Variants in KCNAB1 observed in about 807,000 individuals in gnomAD.
KCNAB1 encodes the protein voltage-gated potassium channel subunit beta-1.
In KCNAB1, 35 loss-of-function variants were observed where a neutral mutation model predicts 64.6. That is an observed-to-expected ratio of 0.54 (90% CI 0.41 to 0.72). KCNAB1 has a LOEUF of 0.72. Among genes scored for constraint, KCNAB1 ranks in the 30% least tolerant of loss-of-function variants. KCNAB1 has a pLI of 0.00. For synonymous variants in KCNAB1, 177 were observed against 183.8 expected, an observed-to-expected ratio of 0.96 and a Z score of 0.30; for missense variants, 401 against 512.9, an observed-to-expected ratio of 0.78 and a Z score of 2.11.
At chr3:156,371,659 A>G (rs1334844547) in intron 1 of KCNAB1, among the ~76,000 whole-genome samples, 1 of 152,180 alleles carries the variant, frequency 6.6e-6, no homozygotes, top group Non-Finnish European at 1.5e-5. Flanking sequence ...AACCAGAGGA[A>G]TTGGGGCTTG....
intron 1 of KCNAB1, among the ~76,000 whole-genome samples, chr3:156,382,434 A>G (rs566218527): frequency 6.6e-6 from 1 of 152,252 alleles, no homozygotes; most frequent in Non-Finnish European, 1.5e-5. Context: ...GTGAGCCAAG[A>G]TCACACCATT....
chr3:156,450,577 A>C (rs1391256520), intron 2 of KCNAB1, among the ~76,000 whole-genome samples: 1 of 152,220 alleles, frequency 6.6e-6, no homozygotes, highest in African/African-American at 2.4e-5. Flanking sequence ...CTCTGGACAC[A>C]TAATTTCTGC....
chr3:156,454,693 A>C (rs780284686), intron 3 of KCNAB1, among the ~76,000 whole-genome samples: 45 of 152,186 alleles, frequency 3.0e-4, no homozygotes, highest in Admixed American at 4.6e-4. Context: ...CATACAAAAT[A>C]GGTGGCAAGC....
At chr3:156,336,062 A>G (rs506709) in intron 1 of KCNAB1, among the ~76,000 whole-genome samples, 3 of 152,086 alleles carry the variant, frequency 2.0e-5, no homozygotes, top group Non-Finnish European at 2.9e-5. Context: ...AATCTAGAAC[A>G]TATTTAAAAG....
At chr3:156,471,964 G>T (rs1388396242) in intron 7 of KCNAB1, among the ~76,000 whole-genome samples, 2 of 152,116 alleles carry the variant, frequency 1.3e-5, no homozygotes, top group African/African-American at 4.8e-5. Context: ...ATATCACAGG[G>T]TCATTCGGGA....
At chr3:156,151,461 G>C (rs1399685859) in intron 1 of KCNAB1, among the ~76,000 whole-genome samples, 1 of 152,098 alleles carries the variant, frequency 6.6e-6, no homozygotes, top group African/African-American at 2.4e-5. Context: ...AGTACTTAAG[G>C]CCAGAACTAT....
chr3:156,179,203 T>C (rs1232414382), intron 1 of KCNAB1, among the ~76,000 whole-genome samples: 5 of 151,994 alleles, frequency 3.3e-5, no homozygotes, highest in Non-Finnish European at 7.4e-5. Context: ...TTTTATTATG[T>C]GCTTGACACA....
intron 1 of KCNAB1, among the ~76,000 whole-genome samples, chr3:156,306,388 A>G (rs1320498371): frequency 1.3e-5 from 2 of 152,146 alleles, no homozygotes; most frequent in African/African-American, 4.8e-5. Flanking sequence ...CTTTTCTTCG[A>G]GGTTGCATGA....
At chr3:156,381,591 C>T (rs1270022498) in intron 1 of KCNAB1, among the ~76,000 whole-genome samples, 2 of 152,206 alleles carry the variant, frequency 1.3e-5, no homozygotes, top group African/African-American at 4.8e-5. Flanking sequence ...GGGAAATTTA[C>T]AGAACTTCTC....
At chr3:156,533,036 C>T (rs1482619873) in intron 13 of KCNAB1, among the ~76,000 whole-genome samples, 2 of 152,166 alleles carry the variant, frequency 1.3e-5, no homozygotes, top group East Asian at 3.8e-4. Flanking sequence ...TTCAACAGAT[C>T]TTTGAGAGCC....
chr3:156,421,177 C>A (rs1715442737), intron 1 of KCNAB1, among the ~76,000 whole-genome samples: 1 of 152,094 alleles, frequency 6.6e-6, no homozygotes, highest in Admixed American at 6.6e-5. Context: ...CCATTCAACA[C>A]AAATCAGAAC....
chr3:156,315,080 C>G (rs566086822), intron 1 of KCNAB1, among the ~76,000 whole-genome samples: 2 of 152,116 alleles, frequency 1.3e-5, no homozygotes, highest in Non-Finnish European at 2.9e-5. Context: ...AAGCAAGAGG[C>G]AGGAAACTGG....
At chr3:156,400,588 T>C (rs1713819603) in intron 1 of KCNAB1, among the ~76,000 whole-genome samples, 1 of 152,230 alleles carries the variant, frequency 6.6e-6, no homozygotes, top group Non-Finnish European at 1.5e-5. Flanking sequence ...CAAGCCCTTA[T>C]CACTCTAGTT....
At chr3:156,459,203 G>T (rs894784592) in intron 4 of KCNAB1, among the ~76,000 whole-genome samples, 3 of 152,150 alleles carry the variant, frequency 2.0e-5, no homozygotes, top group African/African-American at 4.8e-5. Context: ...GCCTGGGTAG[G>T]TGGAAGAGGA....
intron 1 of KCNAB1, among the ~76,000 whole-genome samples, chr3:156,360,630 G>A (rs1030865588): frequency 6.6e-6 from 1 of 151,824 alleles, no homozygotes; most frequent in Non-Finnish European, 1.5e-5. Context: ...AGGGAGCATT[G>A]CTTGAGCCCA....
rs140070599 is a variant in KCNAB1, at chr3:156,341,078, A to G, written c.276-80538A>G. On this transcript the variant is annotated intron_variant, in intron 1 of 13. Coordinates refer to ENST00000490337, the MANE Select transcript of KCNAB1 (RefSeq NM_172160.3). Reference sequence around the variant, plus strand: ...CATATTTTTACATTTAAGTATTTTTATGGCAAATTTAATTATTTGAAATAC... The same window carrying G: ...CATATTTTTACATTTAAGTATTTTTGTGGCAAATTTAATTATTTGAAATAC... 1.2e-3 allele frequency among the ~76,000 whole-genome samples: 186 copies of G among 152,360 alleles called. 1 individual carries two copies. Among genetic ancestry groups the G allele is most frequent in the African/African-American group, 3.8e-3 (160 of 41,586 alleles).
intron 1 of KCNAB1, among the ~76,000 whole-genome samples, chr3:156,246,122 T>C (rs191062618): frequency 2.6e-5 from 4 of 152,304 alleles, no homozygotes; most frequent in African/African-American, 7.2e-5. Flanking sequence ...TTTTGTAATA[T>C]GTAGCGTTCC....
intron 1 of KCNAB1, among the ~76,000 whole-genome samples, chr3:156,419,329 A>G (rs2108222761): frequency 6.6e-6 from 1 of 152,006 alleles, no homozygotes; most frequent in South Asian, 2.1e-4. Context: ...AGTGAAACCC[A>G]TCTCTACTAA....
intron 1 of KCNAB1, among the ~76,000 whole-genome samples, chr3:156,356,759 A>C (rs1725271753): frequency 1.3e-5 from 2 of 152,200 alleles, no homozygotes; most frequent in South Asian, 4.1e-4. Flanking sequence ...TGGCTGCACA[A>C]GTTTCTGCAG....
Sources: gnomAD v4.1 joint callset for allele counts (sites outside exome capture counted in the v4.1 genomes callset) on GRCh38, gnomAD v4.1.1 for gene constraint, MANE v1.5 for transcripts, NCBI Gene and HGNC (gene_info 2026-07-23, HGNC 2026-07-21) for gene names.